SHANK2: variants seen among roughly 807,000 people sequenced by gnomAD.
SHANK2 encodes SH3 and multiple ankyrin repeat domains protein 2.
A neutral mutation model predicts 133.7 loss-of-function variants in SHANK2; 43 were observed. That is an observed-to-expected ratio of 0.32 (90% confidence interval 0.25 to 0.41). The LOEUF is 0.41. SHANK2 is among the 10% of genes least tolerant of loss of function. The pLI is 1.00. For synonymous variants in SHANK2, 1,017 were observed against 952.8 expected, an observed-to-expected ratio of 1.07 and a Z score of -1.24; for missense variants, 1,994 against 2,235.8, an observed-to-expected ratio of 0.89 and a Z score of 2.18.
intron 25 of SHANK2, among the ~76,000 whole-genome samples, chr11:70,481,976 T>C (rs562560254): frequency 1.3e-5 from 2 of 152,148 alleles, no homozygotes; most frequent in South Asian, 4.2e-4. Flanking sequence ...CCCCCCCCAG[T>C]GGTGGTTCTG....
intron 11 of SHANK2, among the ~76,000 whole-genome samples, chr11:70,827,278 T>TA (rs57410152): frequency 3.4e-5 from 5 of 148,896 alleles, no homozygotes; most frequent in African/African-American, 5.0e-5. Flanking sequence ...TTTTTTTTTT[T>TA]AAAGAGAGAG....
chr11:70,824,851 C>A (rs1206671943), intron 11 of SHANK2, among the ~76,000 whole-genome samples: 1 of 152,190 alleles, frequency 6.6e-6, no homozygotes, highest in African/African-American at 2.4e-5. Flanking sequence ...GGCTGATGAG[C>A]CCACAGTCTC....
chr11:70,687,085 A>G (rs1037351868), intron 15 of SHANK2, among the ~76,000 whole-genome samples: 13 of 152,330 alleles, frequency 8.5e-5, no homozygotes, highest in African/African-American at 3.1e-4. Flanking sequence ...GCATTCATTC[A>G]TGGTGACCAC....
rs936504694 is a variant in SHANK2, at chr11:70,500,243, C to T, written c.2308+327G>A. Among the ~76,000 whole-genome samples, 6 of 152,100 alleles carry T rather than the reference C, an allele frequency of 3.9e-5. No individual in the cohort carries two copies. The highest frequency in any genetic ancestry group is 1.4e-4 in the African/African-American group (6 of 41,424). On this transcript the variant is annotated intron_variant, in intron 21 of 25. Coordinates refer to ENST00000601538, the MANE Select transcript of SHANK2 (RefSeq NM_012309.5). The surrounding 1 kb of genome is among the most constrained non-coding windows in gnomAD (Gnocchi z 4.5). ...GGGTCCTGAGGGTCAGGAATGCAGC[C>T]AGAGGCTCTGCTCATCTGCAACCCC...
At chr11:71,072,878 G>T (rs1951161143) in intron 9 of SHANK2, among the ~76,000 whole-genome samples, 1 of 152,070 alleles carries the variant, frequency 6.6e-6, no homozygotes, top group African/African-American at 2.4e-5. Context: ...GTGAACAGGG[G>T]TTGCCAGGGG....
At chr11:70,922,824 G>C (rs1460673192) in intron 10 of SHANK2, among the ~76,000 whole-genome samples, 1 of 152,100 alleles carries the variant, frequency 6.6e-6, no homozygotes, top group African/African-American at 2.4e-5. Context: ...TTCTAAACGT[G>C]TTACCACAGC....
chr11:70,850,594 A>G (rs1273720098), intron 11 of SHANK2, among the ~76,000 whole-genome samples: 2 of 152,146 alleles, frequency 1.3e-5, no homozygotes, highest in Admixed American at 1.3e-4. Context: ...TGCACGCCCG[A>G]GCTGAGCTCT....
intron 14 of SHANK2, among the ~76,000 whole-genome samples, chr11:70,762,350 C>T (rs1035775444): frequency 3.3e-5 from 5 of 152,274 alleles, no homozygotes; most frequent in Admixed American, 3.3e-4. Context: ...TGGGTACTGT[C>T]AGGCTGTCGG....
chr11:70,568,646 G>GCCACCCCCCCCCCCCCCCC (rs1554982439), intron 17 of SHANK2, among the ~76,000 whole-genome samples: 1 of 79,966 alleles, frequency 1.3e-5, no homozygotes, highest in Non-Finnish European at 2.8e-5. Context: ...GCGGATTCCT[G>GCCACCCCCCCCCCCCCCCC]CCCCCCCCGC....
rs2134790933 is a variant in SHANK2, at chr11:70,739,464, G to A, written c.1778-40701C>T. Among the ~76,000 whole-genome samples the A allele has an allele frequency of 6.6e-6, 1 of 152,330 alleles. No homozygotes were observed. The highest frequency in any genetic ancestry group is 1.5e-5 in the Non-Finnish European group (1 of 68,026). On this transcript the variant is annotated intron_variant, in intron 14 of 25. Transcript: ENST00000601538. This position sits in a 1 kb window ranked among gnomAD's most constrained non-coding sequence, Gnocchi z 4.3. ...CCCGTCCTCTCCTCTTGCCCCTGAA[G>A]TCTACCTGTGCCCACGTGGGGAGGG...
intron 8 of SHANK2, among the ~76,000 whole-genome samples, chr11:71,091,193 C>T (rs561229882): frequency 3.0e-4 from 45 of 152,304 alleles, no homozygotes; most frequent in Admixed American, 1.2e-3. Flanking sequence ...CCAGTCATTA[C>T]TGCTTCCCTG....
chr11:70,943,798 GC>G lies in SHANK2; in HGVS notation c.1108-47232del, dbSNP rs1473560174. ...ATGCTTTGTTCTACATGGGGTATGA[GC>G]TGCTCCCCTCCCACCCAATCCCTTC... On this transcript the variant is annotated intron_variant, in intron 10 of 25. Coordinates refer to ENST00000601538, the MANE Select transcript of SHANK2 (RefSeq NM_012309.5). 5 of 408,892 alleles carry G rather than the reference GC, an allele frequency of 1.2e-5. No individual in the cohort carries two copies. The Admixed American group carries it at 1.3e-4, about 11-fold the overall frequency. 25.3% of individuals were successfully genotyped at this position (408,892 alleles called of 1,614,324 possible). A position where few individuals can be genotyped will look rare whatever the true frequency, so the allele number is the denominator to read the frequency against.
intron 15 of SHANK2, among the ~76,000 whole-genome samples, chr11:70,673,906 C>T (rs1944861189): frequency 6.6e-6 from 1 of 152,224 alleles, no homozygotes; most frequent in Non-Finnish European, 1.5e-5. Flanking sequence ...GTAGGAGGCT[C>T]ATATAATTTG....
intron 9 of SHANK2, among the ~76,000 whole-genome samples, chr11:71,059,053 C>T (rs1477620924): frequency 6.6e-6 from 1 of 152,130 alleles, no homozygotes; most frequent in African/African-American, 2.4e-5. Flanking sequence ...CTTGTCTCTA[C>T]CAAAAATACA....
At chr11:70,829,956 C>T (rs980400549) in intron 11 of SHANK2, among the ~76,000 whole-genome samples, 5 of 152,172 alleles carry the variant, frequency 3.3e-5, no homozygotes, top group East Asian at 3.9e-4. Context: ...ATAATTCCAG[C>T]GACGGGGGAC....
intron 15 of SHANK2, among the ~76,000 whole-genome samples, chr11:70,680,926 G>A (rs1458015760): frequency 6.6e-6 from 1 of 152,070 alleles, no homozygotes; most frequent in Non-Finnish European, 1.5e-5. Flanking sequence ...TCCTGCGGCC[G>A]AGATACTCCC....
chr11:70,849,091 G>C (rs1555064614), intron 11 of SHANK2, among the ~76,000 whole-genome samples: 1 of 152,082 alleles, frequency 6.6e-6, no homozygotes, highest in Non-Finnish European at 1.5e-5. Flanking sequence ...ACTCCGGAAT[G>C]TTCAGACATA....
rs1468021244 is a variant in SHANK2, at chr11:71,075,627, G to A, written c.913-352C>T. Reference sequence around the variant, plus strand: ...GTCTTTCTCCCATCCTCAGTGCCCAGCTCCACAAGATGCAAACCAGAAGGC... The same window carrying A: ...GTCTTTCTCCCATCCTCAGTGCCCAACTCCACAAGATGCAAACCAGAAGGC... On this transcript the variant is annotated intron_variant, in intron 8 of 25. Coordinates refer to ENST00000601538, the MANE Select transcript of SHANK2 (RefSeq NM_012309.5). Among the ~76,000 whole-genome samples the A allele has an allele frequency of 2.0e-5, 3 of 152,152 alleles. No individual in the cohort carries two copies. The East Asian group carries it at 5.8e-4, about 29-fold the overall frequency.
At chr11:71,064,267 G>A (rs1320815670) in intron 9 of SHANK2, among the ~76,000 whole-genome samples, 1 of 152,240 alleles carries the variant, frequency 6.6e-6, no homozygotes, top group Non-Finnish European at 1.5e-5. Flanking sequence ...GGACGGGTGG[G>A]TCTGATGCAG....
Sources: allele counts gnomAD v4.1 joint callset (sites outside exome capture counted in the v4.1 genomes callset), GRCh38; gene constraint gnomAD v4.1.1; non-coding constraint Gnocchi (gnomAD v3.1); transcripts MANE v1.5; gene names NCBI Gene and HGNC (gene_info 2026-07-23, HGNC 2026-07-21).